The following ABLIM1 variants were observed in gnomAD, a reference collection of about 807,000 sequenced individuals.
ABLIM1 encodes actin-binding LIM protein 1.
Under a neutral mutation model 107.0 loss-of-function variants are expected in ABLIM1, and 40 were observed. The ratio of observed to expected loss-of-function variants is 0.37; its 90% CI spans 0.29 to 0.49. The LOEUF (loss-of-function observed/expected upper bound fraction) is 0.49. Ranked by LOEUF, ABLIM1 falls within the 20% of genes least tolerant of loss-of-function variation. The pLI is 0.97. For missense variants in ABLIM1, 857 were observed against 1,008.5 expected (o/e 0.85, Z 2.04); for synonymous variants, 357 against 357.3 (o/e 1.00, Z 0.01).
intron 1 of ABLIM1, among the ~76,000 whole-genome samples, chr10:114,645,521 T>C (rs1017014364): frequency 6.6e-6 from 1 of 152,166 alleles, no homozygotes; most frequent in African/African-American, 2.4e-5. Flanking sequence ...CATATTTTTA[T>C]GCTAAAAAAA....
At chr10:114,451,754 A>T (rs2061949316) in intron 13 of ABLIM1, 83 bp from the exon 14 acceptor site, 1 of 1,200,292 alleles carries the variant, frequency 8.3e-7, no homozygotes, top group Non-Finnish European at 1.2e-6. Flanking sequence ...GGGCAAATCA[A>T]ACTGAAGATC....
intron 4 of ABLIM1, among the ~76,000 whole-genome samples, chr10:114,555,294 C>T (rs1337446444): frequency 6.6e-6 from 1 of 152,182 alleles, no homozygotes; most frequent in Non-Finnish European, 1.5e-5. Context: ...CACAGAATAT[C>T]TGAGAGCCAG....
intron 1 of ABLIM1, among the ~76,000 whole-genome samples, chr10:114,638,419 C>T (rs1041065501): frequency 6.6e-6 from 1 of 152,166 alleles, no homozygotes; most frequent in Non-Finnish European, 1.5e-5. Context: ...CCATTAGAGG[C>T]CAGTATGTGT....
chr10:114,509,785 T>C (rs2061605082), intron 6 of ABLIM1, among the ~76,000 whole-genome samples: 1 of 152,180 alleles, frequency 6.6e-6, no homozygotes, highest in Non-Finnish European at 1.5e-5. Flanking sequence ...CTGCCTGTAT[T>C]AGTCCGTTCT....
At chr10:114,732,905 A>T (rs2082105589) in intron 1 of ABLIM1, among the ~76,000 whole-genome samples, 1 of 152,168 alleles carries the variant, frequency 6.6e-6, no homozygotes. Flanking sequence ...TTTTGCATTG[A>T]CTCATGCTCC....
chr10:114,454,988 TA>T (rs2062532344), intron 12 of ABLIM1, among the ~76,000 whole-genome samples: 1 of 152,234 alleles, frequency 6.6e-6, no homozygotes, highest in Non-Finnish European at 1.5e-5. Context: ...ATTTATCTAT[TA>T]ACACTAATAA....
At chr10:114,772,758 G>A (rs899112853), upstream of ABLIM1, among the ~76,000 whole-genome samples, 4 of 152,260 alleles carry the variant, frequency 2.6e-5, no homozygotes, top group Admixed American at 2.6e-4. Flanking sequence ...TAGATACTAA[G>A]TAGTTTGGGT....
chr10:114,608,023 G>GT (rs1298836360), intron 1 of ABLIM1, among the ~76,000 whole-genome samples: 4 of 152,192 alleles, frequency 2.6e-5, no homozygotes, highest in Non-Finnish European at 5.9e-5. Context: ...GGAAATACCT[G>GT]TATTATCTTC....
chr10:114,475,404 T>A (rs1385757285), intron 8 of ABLIM1, among the ~76,000 whole-genome samples: 1 of 152,150 alleles, frequency 6.6e-6, no homozygotes, highest in Non-Finnish European at 1.5e-5. Context: ...ATGAGTAAAA[T>A]GTGTAATTAT....
At chr10:114,555,756 A>G (rs929772674) in intron 4 of ABLIM1, among the ~76,000 whole-genome samples, 1 of 152,210 alleles carries the variant, frequency 6.6e-6, no homozygotes, top group Non-Finnish European at 1.5e-5. Flanking sequence ...ATTTTTAAAT[A>G]AAACATTTAA....
chr10:114,601,986 C>T (rs2076046636), intron 1 of ABLIM1, 25 bp from the exon 2 acceptor site: 2 of 1,613,486 alleles, frequency 1.2e-6, no homozygotes, highest in Non-Finnish European at 1.7e-6. Context: ...ACAAAAGATC[C>T]AGGTGAGTAG....
At chr10:114,634,788 G>A (rs565686743) in intron 1 of ABLIM1, among the ~76,000 whole-genome samples, 2 of 152,116 alleles carry the variant, frequency 1.3e-5, no homozygotes, top group Non-Finnish European at 2.9e-5. Context: ...AAGTCCCCCC[G>A]CCAATCAGAC....
At chr10:114,582,045 T>C (rs1320917407) in intron 2 of ABLIM1, among the ~76,000 whole-genome samples, 2 of 151,922 alleles carry the variant, frequency 1.3e-5, no homozygotes, top group Non-Finnish European at 2.9e-5. Context: ...GAAAGAAAAG[T>C]CATCCAAATA....
In ABLIM1 at chr10:114,573,379, A is replaced by T. The variant is rs560224607; in HGVS notation, c.564-1973T>A. Among the ~76,000 whole-genome samples the T allele has an allele frequency of 3.3e-4, 50 of 152,362 alleles. 1 individual carries two copies. The highest frequency in any genetic ancestry group is 1.2e-3 in the African/African-American group (50 of 41,584). The stretch of plus-strand genomic sequence containing the variant: ...CTTCTCAACTAAAAAGGAGGCCCCA[A>T]TTCAGACAGAATTATCGTCATTCGG... On this transcript the variant is annotated intron_variant, in intron 3 of 22. Transcript: ENST00000533213.
At chr10:114,726,736 G>T (rs1005772298) in intron 1 of ABLIM1, among the ~76,000 whole-genome samples, 1 of 152,046 alleles carries the variant, frequency 6.6e-6, no homozygotes, top group Non-Finnish European at 1.5e-5. Context: ...AGTGGAGATA[G>T]CACCACTGCA....
intron 1 of ABLIM1, among the ~76,000 whole-genome samples, chr10:114,711,070 G>C (rs1469937705): frequency 6.6e-6 from 1 of 152,232 alleles, no homozygotes; most frequent in African/African-American, 2.4e-5. Flanking sequence ...CTCTTTTGAA[G>C]AATCTGTTGT....
chr10:114,638,554 T>G (rs2078588854), intron 1 of ABLIM1, among the ~76,000 whole-genome samples: 1 of 151,964 alleles, frequency 6.6e-6, no homozygotes, highest in Middle Eastern at 3.2e-3. Flanking sequence ...CCATGGGCCC[T>G]CTCTTTGGGT....
At chr10:114,473,841 C>T in intron 9 of ABLIM1, 38 bp downstream of exon 9, 1 of 1,505,638 alleles carries the variant, frequency 6.6e-7, no homozygotes, top group Non-Finnish European at 9.2e-7. Context: ...ACTAATTTAC[C>T]TGTCCCAGAA....
chr10:114,615,865 C>A (rs1265669380), intron 1 of ABLIM1, among the ~76,000 whole-genome samples: 3 of 151,204 alleles, frequency 2.0e-5, no homozygotes, highest in African/African-American at 7.3e-5. Flanking sequence ...CAGTCTCAAA[C>A]CAACCCTGGC....
Sources: allele counts gnomAD v4.1 joint callset (sites outside exome capture counted in the v4.1 genomes callset), GRCh38; gene constraint gnomAD v4.1.1; transcripts MANE v1.5; gene names NCBI Gene and HGNC (gene_info 2026-07-23, HGNC 2026-07-21).